The following SPMIP6 variants were observed in gnomAD, a reference collection of about 807,000 sequenced individuals.
SPMIP6 encodes the protein sperm microtubule inner protein 6, also known as ciliated bronchial epithelial protein 1.
At chr9:34,384,041 C>G in the SPMIP6 span, among the ~76,000 whole-genome samples, 4 of 152,196 alleles carry the variant, frequency 2.6e-5, no homozygotes, top group Non-Finnish European at 5.9e-5. Flanking sequence ...CATGATCCAA[C>G]AGTCTGAAAG....
At chr9:34,385,009 A>G in the SPMIP6 span, among the ~76,000 whole-genome samples, 1 of 151,704 alleles carries the variant, frequency 6.6e-6, no homozygotes, top group Non-Finnish European at 1.5e-5. Flanking sequence ...ATGGGAGGAG[A>G]TGGTATCTGG....
chr9:34,380,861 G>C, the SPMIP6 span: 1 of 1,535,476 alleles, frequency 6.5e-7, no homozygotes, highest in African/African-American at 1.4e-5. Flanking sequence ...CTTGTGTGGG[G>C]TGGAGCCCGG....
At chr9:34,385,535 C>CAAAAAA in the SPMIP6 span, 136 of 296,930 alleles carry the variant, frequency 4.6e-4, no homozygotes, top group South Asian at 9.0e-4. Flanking sequence ...AACTCCGTCT[C>CAAAAAA]AAAAAAAAAA....
chr9:34,397,005 A>AT, the SPMIP6 span, among the ~76,000 whole-genome samples: 1 of 152,192 alleles, frequency 6.6e-6, no homozygotes, highest in African/African-American at 2.4e-5. Context: ...ACTGTGATAC[A>AT]TATAGATAAA....
At chr9:34,395,796 T>G in the SPMIP6 span, among the ~76,000 whole-genome samples, 1 of 152,172 alleles carries the variant, frequency 6.6e-6, no homozygotes, top group African/African-American at 2.4e-5. Flanking sequence ...AGCCAAAAAC[T>G]CAAGGGTCAC....
the SPMIP6 span, chr9:34,397,524 C>G: frequency 6.2e-7 from 1 of 1,614,150 alleles, no homozygotes; most frequent in Non-Finnish European, 8.5e-7. Flanking sequence ...GTTGGCTTCC[C>G]AGGCACACAG....
the SPMIP6 span, chr9:34,379,054 C>A: frequency 2.9e-6 from 4 of 1,402,220 alleles, no homozygotes; most frequent in Non-Finnish European, 4.1e-6. This position sits in a 1 kb window ranked among gnomAD's most constrained non-coding sequence, Gnocchi z 4.2. Context: ...GCTCTGCCCC[C>A]TTGGCACAGC....
chr9:34,379,576 C>A, the SPMIP6 span: 1 of 1,376,880 alleles, frequency 7.3e-7, no homozygotes, highest in South Asian at 1.2e-5. The surrounding 1 kb of genome is among the most constrained non-coding windows in gnomAD (Gnocchi z 4.2). Context: ...TACCAGACAT[C>A]CTCCCCCAGC....
At chr9:34,383,155 C>G in the SPMIP6 span, among the ~76,000 whole-genome samples, 1 of 152,186 alleles carries the variant, frequency 6.6e-6, no homozygotes, top group African/African-American at 2.4e-5. Flanking sequence ...GGACAAGGAG[C>G]CTCTTCCCAA....
the SPMIP6 span, among the ~76,000 whole-genome samples, chr9:34,385,169 T>G: frequency 6.6e-6 from 1 of 150,526 alleles, no homozygotes; most frequent in Admixed American, 6.6e-5. Context: ...CAGGGTCAGG[T>G]CAGGTGGTTG....
At chr9:34,388,928 C>CTTTCTT in the SPMIP6 span, among the ~76,000 whole-genome samples, 2 of 94,704 alleles carry the variant, frequency 2.1e-5, no homozygotes, top group African/African-American at 8.2e-5. Flanking sequence ...TTTCCTCTCT[C>CTTTCTT]TTTCTTTTTT....
At chr9:34,397,581 G>C in the SPMIP6 span, 248 of 1,613,538 alleles carry the variant, frequency 1.5e-4, 1 homozygote, top group Admixed American at 4.0e-3. Context: ...AGCCCTGTAG[G>C]AGTCACTGTA....
the SPMIP6 span, among the ~76,000 whole-genome samples, chr9:34,385,143 T>C: frequency 6.6e-6 from 1 of 151,362 alleles, no homozygotes; most frequent in East Asian, 1.9e-4. Context: ...AGGGCCTAGG[T>C]CATCTCCTCC....
chr9:34,385,843 C>G, the SPMIP6 span: 6 of 1,533,724 alleles, frequency 3.9e-6, no homozygotes, highest in South Asian at 7.3e-5. Context: ...TGGGGTCTTG[C>G]TGGAACTAGA....
chr9:34,379,946 G>A, the SPMIP6 span, among the ~76,000 whole-genome samples: 1 of 152,136 alleles, frequency 6.6e-6, no homozygotes, highest in Non-Finnish European at 1.5e-5. This position sits in a 1 kb window ranked among gnomAD's most constrained non-coding sequence, Gnocchi z 4.2. Context: ...CATTTCTGCC[G>A]TTGAGGAAAG....
chr9:34,385,531 G>A, the SPMIP6 span: 64 of 797,006 alleles, frequency 8.0e-5, no homozygotes, highest in Non-Finnish European at 1.0e-4. Flanking sequence ...GCGAAACTCC[G>A]TCTCAAAAAA....
the SPMIP6 span, chr9:34,381,001 G>T: frequency 6.2e-7 from 1 of 1,610,348 alleles, no homozygotes; most frequent in Non-Finnish European, 8.5e-7. This position sits in a 1 kb window ranked among gnomAD's most constrained non-coding sequence, Gnocchi z 4.4. Flanking sequence ...GGCGGCCCGA[G>T]CAAGCACTTT....
the SPMIP6 span, among the ~76,000 whole-genome samples, chr9:34,379,394 C>G: frequency 6.6e-6 from 1 of 152,228 alleles, no homozygotes; most frequent in Non-Finnish European, 1.5e-5. The surrounding 1 kb of genome is among the most constrained non-coding windows in gnomAD (Gnocchi z 4.2). Flanking sequence ...ACTTCAAGCT[C>G]TGAACCAACG....
At chr9:34,381,690 C>A in the SPMIP6 span, 40 of 1,385,404 alleles carry the variant, frequency 2.9e-5, no homozygotes, top group South Asian at 2.7e-4. The surrounding 1 kb of genome is among the most constrained non-coding windows in gnomAD (Gnocchi z 4.4). Context: ...CCTGTGACAA[C>A]CCTGTCTCAG....
Sources: gnomAD v4.1 joint callset for allele counts (sites outside exome capture counted in the v4.1 genomes callset) on GRCh38, gnomAD v4.1.1 for gene constraint, Gnocchi (gnomAD v3.1) non-coding constraint, MANE v1.5 for transcripts, NCBI Gene and HGNC (gene_info 2026-07-23, HGNC 2026-07-21) for gene names.